The following TIAM1 variants were observed in gnomAD, a reference collection of about 807,000 sequenced individuals.
TIAM1 encodes rho guanine nucleotide exchange factor TIAM1.
A neutral mutation model predicts 163.5 loss-of-function variants in TIAM1; 65 were observed. The observed-to-expected ratio is 0.40, with a 90% CI of 0.33 to 0.49. The LOEUF (loss-of-function observed/expected upper bound fraction) is 0.49, where lower values mean the gene tolerates loss of function less well. Among genes scored for constraint, TIAM1 ranks in the 20% least tolerant of loss-of-function variants. The pLI, the probability that TIAM1 is intolerant of heterozygous loss-of-function variation, is 0.77. For missense variants in TIAM1, 1,789 were observed against 2,044.7 expected (o/e 0.87, Z 2.41); for synonymous variants, 833 against 810.1 (o/e 1.03, Z -0.48).
rs1468338134 is a variant in TIAM1, at chr21:31,441,345, T to C, written c.-369+22638A>G. Among the ~76,000 whole-genome samples the C allele has an allele frequency of 2.6e-5, 4 of 152,320 alleles. No homozygotes were observed. In the East Asian group the frequency reaches 7.7e-4, roughly 29 times the overall value. The stretch of plus-strand genomic sequence containing the variant: ...CTTGTTTAAAATGCAGATTCATGTG[T>C]TGGTATTCAACAAACTCATTCCTTC... On this transcript the variant is annotated intron_variant, in intron 2 of 28. Transcript: ENST00000286827.
intron 2 of TIAM1, among the ~76,000 whole-genome samples, chr21:31,304,098 T>C (rs2074604874): frequency 6.6e-6 from 1 of 152,226 alleles, no homozygotes; most frequent in Admixed American, 6.5e-5. Context: ...GTGGGGCTTC[T>C]GAGGGCTCTG....
chr21:31,252,181 A>T lies in TIAM1; in HGVS notation c.972T>A (p.Asn324Lys), dbSNP rs746576206. 6.2e-7 allele frequency: 1 copy of T among 1,603,952 alleles called. No individual in the cohort carries two copies. The highest frequency in any genetic ancestry group is 8.5e-7 in the Non-Finnish European group (1 of 1,179,182). ...GRRAKTTQDV[N>K]AGEGSEFADS... ...CTGCAAACTCACTGCCCTCGCCTGC[A>T]TTAACATCCTTGGGAGCAGAAAGAG... Residue 324 changes from asparagine to lysine, a missense_variant, in exon 5 of 28, where the codon AAT (asparagine) becomes AAA (lysine). Transcript: ENST00000541036.
Position 31,266,987 on chromosome 21 carries a change from C to G in TIAM1, c.-11-4G>C, listed in dbSNP as rs755762267. On this transcript the variant is annotated splice_region_variant and splice_polypyrimidine_tract_variant and intron_variant, in intron 3 of 27. Transcript: ENST00000541036. ...GCGTTTCCCATGGTTTTATGGTCTG[C>G]AGCAAAGCGGGGGGAAAGGGGAGAA... 2 of 1,584,574 alleles carry G rather than the reference C, an allele frequency of 1.3e-6. No homozygotes were observed. Among genetic ancestry groups the G allele is most frequent in the South Asian group, 2.3e-5 (2 of 86,938 alleles).
chr21:31,215,568 GAAAAAAAAA>G (rs398040071), intron 9 of TIAM1, among the ~76,000 whole-genome samples: 2 of 75,546 alleles, frequency 2.6e-5, no homozygotes, highest in African/African-American at 9.0e-5. Flanking sequence ...TCTCAAAAAA[GAAAAAAAAA>G]AAAAAAAAAA....
intron 23 of TIAM1, 66 bp downstream of exon 23, chr21:31,135,867 A>C (rs2082601466): frequency 6.9e-7 from 1 of 1,444,654 alleles, no homozygotes; most frequent in African/African-American, 1.4e-5. Context: ...TTGAAAAAGA[A>C]ATGTTCTTGT....
intron 4 of TIAM1, among the ~76,000 whole-genome samples, chr21:31,264,792 G>A (rs2072663570): frequency 6.6e-6 from 1 of 152,182 alleles, no homozygotes; most frequent in African/African-American, 2.4e-5. Context: ...ACCTCCTACT[G>A]GGCAATCAGA....
At chr21:31,367,808 C>T (rs1302373899) in intron 2 of TIAM1, among the ~76,000 whole-genome samples, 1 of 152,094 alleles carries the variant, frequency 6.6e-6, no homozygotes, top group African/African-American at 2.4e-5. Flanking sequence ...ATATTTTCCA[C>T]ATCCTCATGG....
chr21:31,370,739 T>G (rs1259880073), intron 2 of TIAM1, among the ~76,000 whole-genome samples: 3 of 152,218 alleles, frequency 2.0e-5, no homozygotes, highest in Non-Finnish European at 1.5e-5. Context: ...GCAGACATAT[T>G]TTGTTTGGAC....
intron 1 of TIAM1, among the ~76,000 whole-genome samples, chr21:31,341,996 A>G (rs76953063): frequency 0.03 from 4,525 of 152,272 alleles, 256 homozygotes; most frequent in African/African-American, 0.1. Context: ...AAAAGGAAAC[A>G]TATCTACAGA....
chr21:31,503,103 T>C (rs1244298636), intron 1 of TIAM1, among the ~76,000 whole-genome samples: 3 of 151,746 alleles, frequency 2.0e-5, no homozygotes, highest in Non-Finnish European at 2.9e-5. Context: ...CTTAGGAAAA[T>C]GGTGAAGAAG....
intron 5 of TIAM1, among the ~76,000 whole-genome samples, chr21:31,250,726 G>A (rs905419647): frequency 6.6e-6 from 1 of 152,212 alleles, no homozygotes; most frequent in East Asian, 1.9e-4. Flanking sequence ...AGAAAAGTCT[G>A]TGTGTTTGAG....
rs753333365 is a variant in TIAM1, at chr21:31,120,508, G to C, written c.4636C>G (p.His1546Asp). 1 of 1,614,106 alleles carries C rather than the reference G, an allele frequency of 6.2e-7. No individual in the cohort carries two copies. The highest frequency in any genetic ancestry group is 1.1e-5 in the South Asian group (1 of 91,084). Residue 1546 changes from histidine to aspartate, a missense_variant, in exon 28 of 28, where the codon CAC becomes GAC. By Grantham distance (81) the His-to-Asp change is moderately conservative. Around this residue, in one of 5 missense-constraint regions of TIAM1, gnomAD observed 415 missense variants for 439.2 expected, o/e 0.94. Coordinates refer to ENST00000541036, the MANE Select transcript of TIAM1 (RefSeq NM_001353694.2). This position sits in a 1 kb window ranked among gnomAD's most constrained non-coding sequence, Gnocchi z 4.2. ...TTGAGCTGTGCCATGCGGGACGCGT[G>C]ACTATCCAGGGTTTTCCGGCCTCTT... ...RERGRKTLDS[H>D]ASRMAQLKKQ... is the part of the protein sequence containing the mutation.
chr21:31,510,712 G>C (rs1159648358), intron 1 of TIAM1, among the ~76,000 whole-genome samples: 1 of 152,076 alleles, frequency 6.6e-6, no homozygotes, highest in East Asian at 1.9e-4. Flanking sequence ...TACTCAGGAG[G>C]CTGAGACGGG....
intron 2 of TIAM1, among the ~76,000 whole-genome samples, chr21:31,381,867 A>G (rs1481264574): frequency 6.6e-6 from 1 of 152,174 alleles, no homozygotes; most frequent in Non-Finnish European, 1.5e-5. Flanking sequence ...CACTAGAGAC[A>G]TCCTCTCTCT....
At chr21:31,444,023 C>A (rs560805731) in intron 2 of TIAM1, among the ~76,000 whole-genome samples, 131 of 152,314 alleles carry the variant, frequency 8.6e-4, no homozygotes, top group Middle Eastern at 3.4e-3. Context: ...CATCCTTAGA[C>A]CCTCCTTGGT....
chr21:31,264,087 T>G (rs1569128795), intron 4 of TIAM1, among the ~76,000 whole-genome samples: 2 of 152,190 alleles, frequency 1.3e-5, no homozygotes, highest in Non-Finnish European at 1.5e-5. Context: ...AGACCACAGA[T>G]GCAGCCTTGG....
At chr21:31,359,836 GGAAGGAAGGAAGGAAGGAAGGAAGGA>G (rs2076377095) in intron 2 of TIAM1, among the ~76,000 whole-genome samples, 1 of 136,482 alleles carries the variant, frequency 7.3e-6, no homozygotes, top group African/African-American at 2.8e-5. Context: ...AAGGAAGGAA[GGAAGGAAGGAAGGAAGGAAGGAAGGA>G]AGGGAGGGAG....
intron 27 of TIAM1, 146 bp downstream of exon 27, chr21:31,124,376 A>C (rs923822412): frequency 7.6e-6 from 9 of 1,180,334 alleles, no homozygotes; most frequent in Non-Finnish European, 1.0e-5. Context: ...AGGGCAAGGA[A>C]CCTCACACCA....
chr21:31,479,723 A>G (rs1440716631), intron 1 of TIAM1, among the ~76,000 whole-genome samples: 1 of 152,162 alleles, frequency 6.6e-6, no homozygotes, highest in Non-Finnish European at 1.5e-5. Context: ...GAAGAGGAGA[A>G]GAAAGACAAA....
Sources: allele counts gnomAD v4.1 joint callset (sites outside exome capture counted in the v4.1 genomes callset), GRCh38; gene constraint gnomAD v4.1.1; regional missense constraint gnomAD v4.1.1; non-coding constraint Gnocchi (gnomAD v3.1); transcripts MANE v1.5; gene names NCBI Gene and HGNC (gene_info 2026-07-23, HGNC 2026-07-21).